Variants in ARHGEF38 observed in about 807,000 individuals in gnomAD.
ARHGEF38 encodes Rho guanine nucleotide exchange factor (GEF) 38.
A neutral mutation model predicts 79.9 loss-of-function variants in ARHGEF38; 79 were observed. That is an observed-to-expected ratio of 0.99 (90% CI 0.82 to 1.19). The LOEUF is 1.19. ARHGEF38 is among the 50% of genes most tolerant of loss of function. The probability of loss-of-function intolerance (pLI) is 0.00; values close to 1 mark genes in which losing one functional copy is unlikely to be tolerated. For missense variants in ARHGEF38, 962 were observed against 907.2 expected, an observed-to-expected ratio of 1.06 and a Z score of -0.78; for synonymous variants, 366 against 328.3, an observed-to-expected ratio of 1.11 and a Z score of -1.24.
chr4:105,669,484 T>C (rs1730886416), intron 13 of ARHGEF38, among the ~76,000 whole-genome samples: 1 of 152,206 alleles, frequency 6.6e-6, no homozygotes, highest in Non-Finnish European at 1.5e-5. Flanking sequence ...AACGTCTTTA[T>C]AGACATTGCC....
downstream of ARHGEF38, among the ~76,000 whole-genome samples, chr4:105,682,053 T>C (rs1476596990): frequency 1.3e-5 from 2 of 152,192 alleles, no homozygotes; most frequent in East Asian, 3.8e-4. Context: ...TATGTGCATG[T>C]ATTACATTGG....
rs1729956072 is a variant in ARHGEF38 at position 105,648,646 on chromosome 4, A to G, written c.972A>G (p.Thr324=). The part of the protein sequence containing the change: ...HSISKKSKRV[T]NHLKILTRGE... ...TTAGCAAGAAATCAAAAAGAGTGAC[A>G]AATCATCTGAAGATTCTGACCAGAG... The change falls in exon 7 of 14, where the codon ACA becomes ACG. Residue 324 remains threonine (T), a synonymous_variant. Coordinates refer to ENST00000420470, the MANE Select transcript of ARHGEF38 (RefSeq NM_001242729.2). 2 of 1,532,918 alleles carry G rather than the reference A, an allele frequency of 1.3e-6. No individual in the cohort carries two copies. The highest frequency in any genetic ancestry group is 2.4e-5 in the South Asian group (2 of 83,468). 95.0% of individuals were successfully genotyped at this position (1,532,918 alleles called of 1,614,324 possible). A position where few individuals can be genotyped will look rare whatever the true frequency, so the allele number is the denominator to read the frequency against.
chr4:105,602,288 T>G (rs1053841511), intron 2 of ARHGEF38, among the ~76,000 whole-genome samples: 2 of 152,082 alleles, frequency 1.3e-5, no homozygotes, highest in Non-Finnish European at 2.9e-5. Flanking sequence ...ACGAGATAGG[T>G]CTTGTCCAGG....
chr4:105,580,717 TTG>T (rs572775112), intron 1 of ARHGEF38, among the ~76,000 whole-genome samples: 15 of 152,304 alleles, frequency 9.8e-5, no homozygotes, highest in African/African-American at 3.4e-4. Flanking sequence ...GTGTCTTTGT[TTG>T]TTTGTTTTTT....
At chr4:105,564,034 C>A (rs1725764868) in intron 1 of ARHGEF38, among the ~76,000 whole-genome samples, 1 of 152,108 alleles carries the variant, frequency 6.6e-6, no homozygotes, top group South Asian at 2.1e-4. Flanking sequence ...GATTAGGGTA[C>A]TCAGTGAAAA....
intron 1 of ARHGEF38, among the ~76,000 whole-genome samples, chr4:105,553,550 T>A (rs1725105184): frequency 6.6e-6 from 1 of 152,178 alleles, no homozygotes; most frequent in Non-Finnish European, 1.5e-5. Flanking sequence ...TGGTAAGAAA[T>A]GTTTAGCATG....
chr4:105,581,612 A>G (rs1225260925), intron 1 of ARHGEF38, among the ~76,000 whole-genome samples: 1 of 152,192 alleles, frequency 6.6e-6, no homozygotes, highest in Non-Finnish European at 1.5e-5. Context: ...CAAAATAATT[A>G]AATTTTAATT....
At chr4:105,610,802 A>G (rs1055447744) in intron 2 of ARHGEF38, among the ~76,000 whole-genome samples, 2 of 152,110 alleles carry the variant, frequency 1.3e-5, no homozygotes, top group South Asian at 4.1e-4. Flanking sequence ...AAGATTACAG[A>G]TAAAATGTAG....
chr4:105,653,324 C>CTT (rs778409804), intron 7 of ARHGEF38, among the ~76,000 whole-genome samples: 22 of 136,542 alleles, frequency 1.6e-4, no homozygotes, highest in South Asian at 4.7e-4. Flanking sequence ...TTTCACATTT[C>CTT]TTTTTTTTTT....
intron 5 of ARHGEF38, among the ~76,000 whole-genome samples, chr4:105,643,368 A>G (rs1278293966): frequency 1.3e-5 from 2 of 152,006 alleles, no homozygotes; most frequent in African/African-American, 4.8e-5. Context: ...ATGAAGTAGA[A>G]GATACAGCCT....
At chr4:105,628,398 C>T (rs1483968358) in intron 3 of ARHGEF38, among the ~76,000 whole-genome samples, 4 of 152,240 alleles carry the variant, frequency 2.6e-5, no homozygotes, top group African/African-American at 9.6e-5. Flanking sequence ...CCCTCCCAGC[C>T]AAAGCCACTA....
chr4:105,604,788 G>C (rs1727971382), intron 2 of ARHGEF38, among the ~76,000 whole-genome samples: 1 of 152,032 alleles, frequency 6.6e-6, no homozygotes, highest in African/African-American at 2.4e-5. Context: ...GAGTACTCAA[G>C]TGATCAAAGC....
At chr4:105,657,344 C>T (rs1730375712) in intron 9 of ARHGEF38, among the ~76,000 whole-genome samples, 2 of 151,962 alleles carry the variant, frequency 1.3e-5, no homozygotes, top group African/African-American at 4.8e-5. Flanking sequence ...ATTAATTAGG[C>T]TAAGTTAAAA....
At chr4:105,671,905 T>C (rs1434953070) in intron 13 of ARHGEF38, among the ~76,000 whole-genome samples, 1 of 152,210 alleles carries the variant, frequency 6.6e-6, no homozygotes, top group Non-Finnish European at 1.5e-5. Context: ...TTTTTATTTC[T>C]TCCAGAATTG....
chr4:105,649,990 A>G (rs181891028), intron 7 of ARHGEF38, among the ~76,000 whole-genome samples: 111 of 152,364 alleles, frequency 7.3e-4, no homozygotes, highest in African/African-American at 2.6e-3. Context: ...CTAGTACTTA[A>G]CAAATGGGAT....
At chr4:105,668,152 A>G (rs1005724794) in intron 13 of ARHGEF38, among the ~76,000 whole-genome samples, 1 of 152,020 alleles carries the variant, frequency 6.6e-6, no homozygotes, top group Non-Finnish European at 1.5e-5. Context: ...CTCATGTATA[A>G]TACCACACAC....
In ARHGEF38 at chr4:105,552,763, A is replaced by G. The variant is rs749184437; in HGVS notation, c.-3A>G. On this transcript the variant is annotated 5_prime_UTR_variant, in exon 1 of 14. Transcript: ENST00000420470. ...AAGCCTCCAAAGCTTGTCTTTGCCT[A>G]ATATGGAGCCCAAAGAAGCCACTGG... The G allele has an allele frequency of 6.2e-7, 1 of 1,606,586 alleles. No individual in the cohort carries two copies. The highest frequency in any genetic ancestry group is 2.2e-5 in the East Asian group (1 of 44,814).
intron 5 of ARHGEF38, among the ~76,000 whole-genome samples, chr4:105,642,054 T>A (rs565272231): frequency 2.0e-5 from 3 of 152,152 alleles, no homozygotes; most frequent in Non-Finnish European, 4.4e-5. Flanking sequence ...TGGGGAGTCA[T>A]GGGATAATTG....
At chr4:105,650,733 A>C (rs555711917) in intron 7 of ARHGEF38, among the ~76,000 whole-genome samples, 1 of 152,254 alleles carries the variant, frequency 6.6e-6, no homozygotes, top group East Asian at 1.9e-4. Context: ...ATTTACCAAC[A>C]TGTACATTCT....
Sources: gnomAD v4.1 joint callset for allele counts (sites outside exome capture counted in the v4.1 genomes callset) on GRCh38, gnomAD v4.1.1 for gene constraint, MANE v1.5 for transcripts, NCBI Gene and HGNC (gene_info 2026-07-23, HGNC 2026-07-21) for gene names.